The following LLGL2 variants were observed in gnomAD, a reference collection of about 807,000 sequenced individuals.
LLGL2 encodes LLGL2, scribble cell polarity complex component.
In LLGL2, 81 loss-of-function variants were observed where a neutral mutation model predicts 123.2. The ratio of observed to expected loss-of-function variants is 0.66; its 90% CI spans 0.55 to 0.79. LLGL2 has a LOEUF of 0.79. LLGL2 is among the 30% of genes least tolerant of loss of function. The probability of loss-of-function intolerance (pLI) is 0.00; values close to 1 mark genes in which losing one functional copy is unlikely to be tolerated. For synonymous variants in LLGL2, 577 were observed against 594.1 expected, an observed-to-expected ratio of 0.97 and a Z score of 0.42; for missense variants, 1,273 against 1,414.6, an observed-to-expected ratio of 0.90 and a Z score of 1.61.
intron 1 of LLGL2, among the ~76,000 whole-genome samples, chr17:75,526,985 T>C (rs1434389789): frequency 6.6e-6 from 1 of 151,490 alleles, no homozygotes; most frequent in East Asian, 1.9e-4. Flanking sequence ...CTGGGCAACA[T>C]AGTGAGACCT....
At chr17:75,527,035 G>A (rs2147043212) in intron 1 of LLGL2, among the ~76,000 whole-genome samples, 1 of 150,924 alleles carries the variant, frequency 6.6e-6, no homozygotes, top group Middle Eastern at 3.4e-3. Flanking sequence ...CAGGCATGGT[G>A]GCGTGCACCT....
intron 10 of LLGL2, among the ~76,000 whole-genome samples, chr17:75,566,972 G>T (rs1212003370): frequency 6.6e-6 from 1 of 152,116 alleles, no homozygotes; most frequent in Non-Finnish European, 1.5e-5. Flanking sequence ...GAGGTTTAAA[G>T]AAAAAAAGAG....
At chr17:75,557,938 A>G in intron 3 of LLGL2, 1 of 629,964 alleles carries the variant, frequency 1.6e-6, no homozygotes, top group Non-Finnish European at 2.9e-6. Flanking sequence ...TGACTGGGAA[A>G]AATCTCCCAG....
At chr17:75,563,292 C>T in intron 7 of LLGL2, 39 bp from the exon 8 acceptor site, 1 of 1,606,674 alleles carries the variant, frequency 6.2e-7, no homozygotes, top group South Asian at 1.1e-5. Context: ...CGCCTCGGTC[C>T]AGCGTGCTGC....
chr17:75,570,420 C>G lies in LLGL2; in HGVS notation c.1947C>G (p.Ser649=), dbSNP rs757991541. 6.2e-7 allele frequency: 1 copy of G among 1,608,516 alleles called. No homozygotes were observed. Among genetic ancestry groups the G allele is most frequent in the South Asian group, 1.1e-5 (1 of 90,088 alleles). ...CCCGCGTCAAGTCCCTCAAGAAGTC[C>G]TTGCGTCAGTCATTCCGCCGGATGC... ...PLSRVKSLKK[S]LRQSFRRMRR... Residue 649 remains serine (S), a synonymous_variant, in exon 16 of 26, where the codon TCC becomes TCG. Coordinates refer to ENST00000392550, the MANE Select transcript of LLGL2 (RefSeq NM_001031803.2).
In LLGL2 at chr17:75,558,634, G is replaced by A; in HGVS notation, c.371+7G>A. ...CACTGCGTGGACCCCCAGGGTAAGGGCTCAATCCCCAGCCCCTTCCACTCC... is the reference window on the plus strand; with the variant it reads ...CACTGCGTGGACCCCCAGGGTAAGGACTCAATCCCCAGCCCCTTCCACTCC... On this transcript the variant is annotated splice_region_variant and intron_variant, in intron 5 of 25. Coordinates refer to ENST00000392550, the MANE Select transcript of LLGL2 (RefSeq NM_001031803.2). This position sits in a 1 kb window ranked among gnomAD's most constrained non-coding sequence, Gnocchi z 4.0. 6.3e-7 allele frequency: 1 copy of A among 1,584,924 alleles called. No individual in the cohort carries two copies. Among genetic ancestry groups the A allele is most frequent in the East Asian group, 2.3e-5 (1 of 43,406 alleles).
intron 20 of LLGL2, 96 bp downstream of exon 20, chr17:75,573,374 G>A: frequency 6.4e-7 from 1 of 1,553,550 alleles, no homozygotes; most frequent in Non-Finnish European, 8.8e-7. Flanking sequence ...GACTGGATGG[G>A]CCTTAAGCGG....
intron 2 of LLGL2, among the ~76,000 whole-genome samples, chr17:75,555,184 A>G (rs1015283142): frequency 6.6e-6 from 1 of 152,076 alleles, no homozygotes; most frequent in African/African-American, 2.4e-5. Context: ...CTCAAAAAAA[A>G]AAAAAATAGA....
Position 75,558,521 on chromosome 17 carries a change from G to A in LLGL2, c.265G>A (p.Val89Ile), listed in dbSNP as rs1469859247. Residue 89 changes from valine (V) to isoleucine (I), a missense_variant, in exon 5 of 26, where the codon GTC becomes ATC. Val to Ile is a conservative substitution (Grantham distance 29, BLOSUM62 3). Coordinates refer to ENST00000392550, the MANE Select transcript of LLGL2 (RefSeq NM_001031803.2). The surrounding 1 kb of genome is among the most constrained non-coding windows in gnomAD (Gnocchi z 4.0). ...CGTGTGCCCTCGCCAGTGCCAGCTG[G>A]TCACCCTGCTGGATGACAACAGCCT... is the stretch of plus-strand genomic sequence containing the variant. ...IHLLPGQCQLVTLLDDNSLHL... is the reference protein window; with the variant it reads ...IHLLPGQCQLITLLDDNSLHL... The A allele has an allele frequency of 6.3e-7, 1 of 1,596,580 alleles. No homozygotes were observed. The highest frequency in any genetic ancestry group is 8.5e-7 in the Non-Finnish European group (1 of 1,172,312).
At chr17:75,531,082 C>G (rs143274029) in intron 1 of LLGL2, among the ~76,000 whole-genome samples, 2 of 152,262 alleles carry the variant, frequency 1.3e-5, no homozygotes, top group East Asian at 3.9e-4. Flanking sequence ...CCTCCTCACC[C>G]TGCTGGGTGG....
intron 2 of LLGL2, among the ~76,000 whole-genome samples, chr17:75,550,794 A>C (rs1207782211): frequency 6.6e-6 from 1 of 150,506 alleles, no homozygotes; most frequent in Admixed American, 6.6e-5. Flanking sequence ...AAAAAAAAAA[A>C]AAAAAAAAAA....
At chr17:75,557,514 A>G (rs2054970628) in intron 3 of LLGL2, among the ~76,000 whole-genome samples, 1 of 152,220 alleles carries the variant, frequency 6.6e-6, no homozygotes, top group African/African-American at 2.4e-5. Context: ...TGCTCCCCTC[A>G]GGGCAGGGCC....
intron 14 of LLGL2, 65 bp downstream of exon 14, chr17:75,569,390 C>T (rs2055592158): frequency 1.5e-6 from 2 of 1,301,544 alleles, no homozygotes; most frequent in Non-Finnish European, 2.2e-6. Context: ...ACAGCAGGGA[C>T]AGGAGCCAAC....
rs2054593762 is a variant in LLGL2, at chr17:75,549,970, C to T, written c.76-6076C>T. ...ATCTTTGCTCTCCTTTCCCAACCCCCCTGTCAAAAGAGTTCATTGTTCTCT... is the reference window on the plus strand; with the variant it reads ...ATCTTTGCTCTCCTTTCCCAACCCCTCTGTCAAAAGAGTTCATTGTTCTCT... On this transcript the variant is annotated intron_variant, in intron 2 of 25. Transcript: ENST00000392550. The surrounding 1 kb of genome is among the most constrained non-coding windows in gnomAD (Gnocchi z 4.0). Among the ~76,000 whole-genome samples, 1 of 152,374 alleles carries T rather than the reference C, an allele frequency of 6.6e-6. No homozygotes were observed. Among genetic ancestry groups the T allele is most frequent in the South Asian group, 2.1e-4 (1 of 4,828 alleles).
chr17:75,528,951 GT>G (rs927176177), intron 1 of LLGL2, among the ~76,000 whole-genome samples: 3 of 152,044 alleles, frequency 2.0e-5, no homozygotes, highest in African/African-American at 7.2e-5. Flanking sequence ...AAGGTCAGGA[GT>G]TCGAGACTAG....
intron 10 of LLGL2, chr17:75,567,966 G>T: frequency 4.4e-5 from 27 of 617,904 alleles, no homozygotes; most frequent in Non-Finnish European, 4.9e-5. Context: ...AAAAAAAAAA[G>T]ACAAATGGTT....
intron 14 of LLGL2, 58 bp from the exon 15 acceptor site, chr17:75,569,905 C>T: frequency 6.6e-7 from 1 of 1,523,742 alleles, no homozygotes; most frequent in East Asian, 2.3e-5. Flanking sequence ...TAGTAGCATC[C>T]TGCGGCCCTG....
At chr17:75,529,371 A>G (rs1027381060) in intron 1 of LLGL2, among the ~76,000 whole-genome samples, 1 of 150,672 alleles carries the variant, frequency 6.6e-6, no homozygotes, top group Admixed American at 6.6e-5. Context: ...TAATTTTTGT[A>G]TTTTTGTATT....
rs770107992 is a variant in LLGL2, at chr17:75,563,388, G to A, written c.751G>A (p.Asp251Asn). Residue 251 changes from aspartate (D) to asparagine (N), a missense_variant, in exon 8 of 26, where the codon GAC becomes AAC. Transcript: ENST00000392550. Reference sequence around the variant, plus strand: ...CCGCCTGCTCGTCAGCTGTCACTCTGACGGCAGCTACTGCCAGTGGCCCGT... The same window carrying A: ...CCGCCTGCTCGTCAGCTGTCACTCTAACGGCAGCTACTGCCAGTGGCCCGT... The part of the protein sequence containing the change: ...DGRLLVSCHS[D>N]GSYCQWPVSS... 16 of 1,612,816 alleles carry A rather than the reference G, an allele frequency of 9.9e-6. No individual in the cohort carries two copies. The highest frequency in any genetic ancestry group is 8.9e-5 in the East Asian group (4 of 44,904).
Sources: allele counts gnomAD v4.1 joint callset (sites outside exome capture counted in the v4.1 genomes callset), GRCh38; gene constraint gnomAD v4.1.1; non-coding constraint Gnocchi (gnomAD v3.1); transcripts MANE v1.5; gene names NCBI Gene and HGNC (gene_info 2026-07-23, HGNC 2026-07-21).